RARB: variants seen among roughly 807,000 people sequenced by gnomAD.
RARB encodes HBV-activated protein.
In RARB, 17 loss-of-function variants were observed where a neutral mutation model predicts 51.9. The ratio of observed to expected loss-of-function variants is 0.33; its 90% CI spans 0.22 to 0.49. RARB has a LOEUF of 0.49. Among genes scored for constraint, RARB ranks in the 20% least tolerant of loss-of-function variants. RARB has a pLI of 0.99. For synonymous variants in RARB, 215 were observed against 195.4 expected (o/e 1.10, Z -0.84); for missense variants, 369 against 550.8 (o/e 0.67, Z 3.30).
chr3:25,370,404 C>G lies in RARB; in HGVS notation c.179-90789C>G, dbSNP rs116985358. Among the ~76,000 whole-genome samples the G allele has an allele frequency of 5.7e-4, 87 of 152,204 alleles. No homozygotes were observed. In the East Asian group the frequency reaches 0.014, roughly 25 times the overall value. ...CCATAAGGGTAGCAAGGTGCTTACA[C>G]AAGTACCTTAAGGAAGAGTTGAGGA... On this transcript the variant is annotated intron_variant, in intron 5 of 11. Transcript: ENST00000383772.
intron 5 of RARB, among the ~76,000 whole-genome samples, chr3:25,357,688 A>G (rs1337164976): frequency 1.3e-5 from 2 of 152,284 alleles, no homozygotes; most frequent in Non-Finnish European, 2.9e-5. Context: ...TAATCTTTGT[A>G]TAAGGTGTAA....
chr3:25,438,188 A>C (rs1361897976), intron 1 of RARB, among the ~76,000 whole-genome samples: 2 of 152,212 alleles, frequency 1.3e-5, no homozygotes, highest in Non-Finnish European at 2.9e-5. Flanking sequence ...TGGCAGCAGT[A>C]TTCCGAGAGA....
chr3:24,876,333 T>C (rs2125353075), intron 2 of RARB, among the ~76,000 whole-genome samples: 1 of 152,298 alleles, frequency 6.6e-6, no homozygotes, highest in East Asian at 1.9e-4. Context: ...AGTATTTGCT[T>C]AATGGTAATT....
rs1052109091 is a variant in RARB, at chr3:24,908,671, T to G, written c.-380+49919T>G. Among the ~76,000 whole-genome samples the G allele has an allele frequency of 2.6e-3, 386 of 145,860 alleles. 2 individuals are homozygous for G. Among genetic ancestry groups the G allele is most frequent in the Non-Finnish European group, 3.7e-3 (246 of 66,306 alleles). On this transcript the variant is annotated intron_variant, in intron 2 of 11. Transcript: ENST00000383772. ...TTGAGGTAACCACAACTGTTTTTTT[T>G]TTTTTTTTTTTTTTTTTACTAACCT...
intron 2 of RARB, among the ~76,000 whole-genome samples, chr3:25,058,755 G>T (rs1325089222): frequency 6.6e-6 from 1 of 151,514 alleles, no homozygotes; most frequent in African/African-American, 2.4e-5. Context: ...TCAAAAATTT[G>T]TTATTGGATT....
intron 3 of RARB, among the ~76,000 whole-genome samples, chr3:25,114,752 C>A (rs1267413039): frequency 2.0e-5 from 3 of 152,160 alleles, no homozygotes; most frequent in Admixed American, 1.3e-4. Context: ...CTGTTGACAC[C>A]TCTGGCAAGA....
intron 2 of RARB, among the ~76,000 whole-genome samples, chr3:24,978,805 G>T (rs1696575960): frequency 6.6e-6 from 1 of 150,690 alleles, no homozygotes; most frequent in South Asian, 2.1e-4. Context: ...TTTTGAATTT[G>T]TTTGCTCTTG....
intron 2 of RARB, among the ~76,000 whole-genome samples, chr3:25,472,227 G>A (rs1695733310): frequency 6.6e-6 from 1 of 152,116 alleles, no homozygotes. Flanking sequence ...ACAGTGATTA[G>A]GACTCCTGCC....
chr3:25,531,180 C>G (rs950498989), intron 3 of RARB, among the ~76,000 whole-genome samples: 2 of 152,092 alleles, frequency 1.3e-5, no homozygotes, highest in South Asian at 4.2e-4. Context: ...TTATCTCAAT[C>G]CCAATAAGCA....
chr3:25,128,436 T>C (rs1289563803), intron 3 of RARB, among the ~76,000 whole-genome samples: 1 of 148,590 alleles, frequency 6.7e-6, no homozygotes, highest in African/African-American at 2.4e-5. Context: ...TTATAAATTA[T>C]TCATATAATT....
At chr3:25,553,693 T>C (rs1018273456) in intron 3 of RARB, among the ~76,000 whole-genome samples, 1 of 152,146 alleles carries the variant, frequency 6.6e-6, no homozygotes, top group Non-Finnish European at 1.5e-5. Flanking sequence ...AACACATTTG[T>C]ATGGATTGTC....
intron 2 of RARB, among the ~76,000 whole-genome samples, chr3:24,954,235 T>C (rs1200813165): frequency 6.6e-6 from 1 of 152,204 alleles, no homozygotes; most frequent in Non-Finnish European, 1.5e-5. Flanking sequence ...ATACATGTTT[T>C]ATAAAATGAT....
chr3:25,051,686 C>G (rs1020770363), intron 2 of RARB, among the ~76,000 whole-genome samples: 4 of 151,982 alleles, frequency 2.6e-5, no homozygotes, highest in Admixed American at 2.6e-4. Flanking sequence ...AGTTACAGTT[C>G]AGAAAAGACC....
chr3:25,193,941 T>C (rs1423199091), intron 5 of RARB, among the ~76,000 whole-genome samples: 1 of 151,930 alleles, frequency 6.6e-6, no homozygotes, highest in Non-Finnish European at 1.5e-5. Context: ...AGCTACACAA[T>C]TTAGATGAAA....
intron 4 of RARB, among the ~76,000 whole-genome samples, chr3:25,146,495 TTTTGTTTGTTTGTTTG>T (rs372466913): frequency 2.3e-5 from 3 of 129,304 alleles, no homozygotes; most frequent in African/African-American, 5.7e-5. Context: ...TTGCTAAGTT[TTTTGTTTGTTTGTTTG>T]TTTTTTTTTT....
intron 3 of RARB, among the ~76,000 whole-genome samples, chr3:25,070,903 G>A (rs193261774): frequency 3.3e-5 from 5 of 152,212 alleles, no homozygotes; most frequent in African/African-American, 4.8e-5. Context: ...ATTTTAGGGA[G>A]GATCCAGGTA....
chr3:24,950,307 C>G (rs1420087709), intron 2 of RARB, among the ~76,000 whole-genome samples: 1 of 152,142 alleles, frequency 6.6e-6, no homozygotes, highest in Non-Finnish European at 1.5e-5. Context: ...TATTTAATTT[C>G]ACCATCTCAT....
chr3:25,439,901 G>T (rs1708589558), intron 1 of RARB, among the ~76,000 whole-genome samples: 1 of 152,144 alleles, frequency 6.6e-6, no homozygotes, highest in Non-Finnish European at 1.5e-5. Context: ...ACGCTAACAT[G>T]TGATGCAGTG....
At chr3:24,848,748 A>G (rs1702516491) in intron 1 of RARB, among the ~76,000 whole-genome samples, 1 of 152,154 alleles carries the variant, frequency 6.6e-6, no homozygotes, top group Non-Finnish European at 1.5e-5. Flanking sequence ...ATCTGTTTCC[A>G]TGATTGATTG....
Sources: allele counts gnomAD v4.1 joint callset (sites outside exome capture counted in the v4.1 genomes callset), GRCh38; gene constraint gnomAD v4.1.1; transcripts MANE v1.5; gene names NCBI Gene and HGNC (gene_info 2026-07-23, HGNC 2026-07-21).